Variants in NCAPD3 observed in about 807,000 individuals in gnomAD.
NCAPD3 encodes condensin-2 complex subunit D3.
In NCAPD3, 105 loss-of-function variants were observed where a neutral mutation model predicts 182.9. That is an observed-to-expected ratio of 0.57 (90% CI 0.49 to 0.68). The LOEUF (loss-of-function observed/expected upper bound fraction) is 0.68, where lower values mean the gene tolerates loss of function less well. NCAPD3 is among the 30% of genes least tolerant of loss of function. The probability of loss-of-function intolerance (pLI) is 0.00; values close to 1 mark genes in which losing one functional copy is unlikely to be tolerated. For synonymous variants in NCAPD3, 815 were observed against 679.9 expected (o/e 1.20, Z -3.09); for missense variants, 1,944 against 1,837.0 (o/e 1.06, Z -1.07).
intron 23 of NCAPD3, 81 bp downstream of exon 23, chr11:134,177,138 C>T (rs554001508): frequency 9.0e-6 from 10 of 1,110,298 alleles, no homozygotes; most frequent in Middle Eastern, 2.2e-4. Context: ...AAAGCAAGCA[C>T]ATTTCCTATG....
chr11:134,219,535 G>A (rs1938151993), intron 2 of NCAPD3, among the ~76,000 whole-genome samples: 1 of 152,136 alleles, frequency 6.6e-6, no homozygotes, highest in Non-Finnish European at 1.5e-5. Flanking sequence ...GTGTTATGCT[G>A]AAGGAATGTT....
chr11:134,199,635 T>G (rs1591852437), intron 13 of NCAPD3, among the ~76,000 whole-genome samples: 1 of 152,230 alleles, frequency 6.6e-6, no homozygotes, highest in Non-Finnish European at 1.5e-5. Flanking sequence ...TCCAGTGTAC[T>G]GTACTGCCAG....
intron 16 of NCAPD3, among the ~76,000 whole-genome samples, chr11:134,187,734 C>A (rs555603964): frequency 8.5e-5 from 13 of 152,304 alleles, no homozygotes; most frequent in African/African-American, 3.1e-4. Context: ...CTCTGTTCTC[C>A]TGTAGCTCCC....
chr11:134,169,392 G>C (rs963565198), intron 24 of NCAPD3, among the ~76,000 whole-genome samples: 1 of 152,236 alleles, frequency 6.6e-6, no homozygotes, highest in Non-Finnish European at 1.5e-5. Context: ...TCAGAGGCCA[G>C]TGGTCTTATA....
rs543252402 is a variant in NCAPD3 at position 134,223,753 on chromosome 11, CG to C, written c.64+109del. 1,737 of 1,333,660 alleles carry C rather than the reference CG, an allele frequency of 1.3e-3. 20 individuals are homozygous for C. In the African/African-American group the frequency reaches 0.022, roughly 17 times the overall value. The allele number at this position is 1,333,660 out of a possible 1,614,324, so 82.6% of individuals were successfully genotyped here. ...GGGGACCCCAGGCACCGCCGACAGC[CG>C]GGCGCCCCCACCCCGCCCCCACCGG... On this transcript the variant is annotated intron_variant, in intron 1 of 34. Transcript: ENST00000534548.
At chr11:134,190,650 C>T (rs985953751) in intron 16 of NCAPD3, among the ~76,000 whole-genome samples, 1 of 152,062 alleles carries the variant, frequency 6.6e-6, no homozygotes, top group Admixed American at 6.5e-5. Context: ...CCACAAATGG[C>T]TTTTTTTGTA....
chr11:134,193,906 TAGTA>T, intron 15 of NCAPD3, 106 bp downstream of exon 15: 17 of 1,107,074 alleles, frequency 1.5e-5, no homozygotes, highest in Non-Finnish European at 2.2e-5. Flanking sequence ...ACAGTGGACT[TAGTA>T]GAGTTTTTAA....
chr11:134,223,402 G>T (rs1394275446), intron 1 of NCAPD3: 6 of 702,366 alleles, frequency 8.5e-6, no homozygotes, highest in Non-Finnish European at 1.6e-5. Flanking sequence ...GGCTTGGATG[G>T]TGCCATTAGC....
chr11:134,192,962 T>C (rs1944555841), intron 15 of NCAPD3, 53 bp from the exon 16 acceptor site: 1 of 1,025,952 alleles, frequency 9.7e-7, no homozygotes, highest in South Asian at 1.3e-5. Flanking sequence ...GTCAGGGAAG[T>C]TGTGATCAAC....
chr11:134,159,121 A>T (rs1943508736), intron 29 of NCAPD3, among the ~76,000 whole-genome samples: 1 of 152,242 alleles, frequency 6.6e-6, no homozygotes. Context: ...TGCAATAAAC[A>T]TGGGAGTGCA....
chr11:134,168,002 G>A lies in NCAPD3; in HGVS notation c.3567C>T (p.Ile1189=), dbSNP rs746576958. 1.2e-6 allele frequency: 2 copies of A among 1,613,840 alleles called. No individual in the cohort carries two copies. Among genetic ancestry groups the A allele is most frequent in the South Asian group, 1.1e-5 (1 of 91,074 alleles). The change falls in exon 27 of 35, where the codon ATC becomes ATT. Residue 1189 remains isoleucine, a synonymous_variant. Transcript: ENST00000534548. ...VVMQEAQKKL[I]SQVQKRNFIE... is the part of the protein sequence containing the mutation. ...AGGGGAGCAACACACTCACTTGTGAGATGAGCTTCTTCTGAGCTTCCTGCA... is the reference window on the plus strand; with the variant it reads ...AGGGGAGCAACACACTCACTTGTGAAATGAGCTTCTTCTGAGCTTCCTGCA...
Position 134,156,840 on chromosome 11 carries a change from G to A in NCAPD3, c.4252+178C>T, listed in dbSNP as rs148266996. 1,361 of 553,014 alleles carry A rather than the reference G, an allele frequency of 2.5e-3. 18 individuals carry two copies. The highest frequency in any genetic ancestry group is 0.022 in the African/African-American group (1,176 of 52,968). The allele number at this position is 553,014 out of a possible 1,614,324, so 34.3% of individuals were successfully genotyped here. A position where few individuals can be genotyped will look rare whatever the true frequency, so the allele number is the denominator to read the frequency against. Reference sequence around the variant, plus strand: ...GACACTGGAACAACATACTCGGTCAGTGCTCATGGATCAAGCGACCGTGGT... The same window carrying A: ...GACACTGGAACAACATACTCGGTCAATGCTCATGGATCAAGCGACCGTGGT... On this transcript the variant is annotated intron_variant, in intron 32 of 34. Coordinates refer to ENST00000534548, the MANE Select transcript of NCAPD3 (RefSeq NM_015261.3).
At chr11:134,221,755 G>A (rs1417384961) in intron 1 of NCAPD3, among the ~76,000 whole-genome samples, 1 of 152,116 alleles carries the variant, frequency 6.6e-6, no homozygotes, top group Admixed American at 6.5e-5. Context: ...CACTGCACTC[G>A]GCAAATGAAA....
intron 32 of NCAPD3, among the ~76,000 whole-genome samples, chr11:134,154,264 TTCA>T (rs1223985579): frequency 1.3e-5 from 2 of 152,072 alleles, no homozygotes; most frequent in Non-Finnish European, 2.9e-5. Context: ...GGAGTTATGT[TTCA>T]TCAAGAAGCT....
chr11:134,164,288 G>C (rs563122011), intron 27 of NCAPD3, among the ~76,000 whole-genome samples: 4 of 152,222 alleles, frequency 2.6e-5, no homozygotes, highest in African/African-American at 9.6e-5. Context: ...GTGGGAGAAA[G>C]AGGAGATGAA....
At chr11:134,163,599 C>T (rs1283466365) in intron 27 of NCAPD3, among the ~76,000 whole-genome samples, 2 of 151,362 alleles carry the variant, frequency 1.3e-5, no homozygotes, top group Non-Finnish European at 2.9e-5. Context: ...ACTAGGGAGG[C>T]TGAGGCAGGA....
chr11:134,218,463 T>C (rs1203151783), intron 2 of NCAPD3, among the ~76,000 whole-genome samples: 1 of 151,792 alleles, frequency 6.6e-6, no homozygotes, highest in Admixed American at 6.6e-5. Context: ...CTCACATTTC[T>C]ACTACCTGTT....
At chr11:134,197,926 T>G (rs1208719784) in intron 13 of NCAPD3, among the ~76,000 whole-genome samples, 4 of 152,216 alleles carry the variant, frequency 2.6e-5, no homozygotes, top group Non-Finnish European at 5.9e-5. Flanking sequence ...GCTAACGTCG[T>G]ACTCAGCGGT....
intron 16 of NCAPD3, among the ~76,000 whole-genome samples, chr11:134,187,035 T>TG (rs1944422462): frequency 6.6e-6 from 1 of 152,196 alleles, no homozygotes; most frequent in Non-Finnish European, 1.5e-5. Flanking sequence ...CCTCTGAACT[T>TG]GCAGAAATCT....
Sources: gnomAD v4.1 joint callset for allele counts (sites outside exome capture counted in the v4.1 genomes callset) on GRCh38, gnomAD v4.1.1 for gene constraint, MANE v1.5 for transcripts, NCBI Gene and HGNC (gene_info 2026-07-23, HGNC 2026-07-21) for gene names.